Variants in SLC14A2 observed in about 807,000 individuals in gnomAD.
SLC14A2 encodes solute carrier family 14 member 2, also known as urea transporter 2.
Under a neutral mutation model 104.6 loss-of-function variants are expected in SLC14A2, and 91 were observed. That is an observed-to-expected ratio of 0.87 (90% CI 0.73 to 1.04). The LOEUF (loss-of-function observed/expected upper bound fraction) is 1.04. SLC14A2 is among the 50% of genes least tolerant of loss of function. The pLI, the probability that SLC14A2 is intolerant of heterozygous loss-of-function variation, is 0.00. For synonymous variants in SLC14A2, 476 were observed against 466.4 expected, an observed-to-expected ratio of 1.02 and a Z score of -0.27; for missense variants, 1,189 against 1,156.0, an observed-to-expected ratio of 1.03 and a Z score of -0.41.
chr18:45,392,220 C>A (rs1318745498), intron 1 of SLC14A2, among the ~76,000 whole-genome samples: 1 of 152,190 alleles, frequency 6.6e-6, no homozygotes, highest in African/African-American at 2.4e-5. Flanking sequence ...CCCCAGAGAA[C>A]CTCAGGACAG....
chr18:45,674,336 C>T (rs978683516), intron 18 of SLC14A2, among the ~76,000 whole-genome samples: 3 of 152,108 alleles, frequency 2.0e-5, no homozygotes, highest in Non-Finnish European at 4.4e-5. Context: ...CATCTGTAGA[C>T]TCTGTGAACA....
chr18:45,581,946 A>G (rs1021212093), intron 2 of SLC14A2, among the ~76,000 whole-genome samples: 1 of 152,160 alleles, frequency 6.6e-6, no homozygotes, highest in Non-Finnish European at 1.5e-5. Flanking sequence ...CTGTTGCTAT[A>G]CCAGAATACC....
intron 1 of SLC14A2, among the ~76,000 whole-genome samples, chr18:45,304,500 G>C (rs1420860485): frequency 6.6e-6 from 1 of 152,166 alleles, no homozygotes; most frequent in East Asian, 1.9e-4. Context: ...GAGATATTTT[G>C]AGTGGTATAA....
chr18:45,371,108 G>A (rs1479407245), intron 1 of SLC14A2, among the ~76,000 whole-genome samples: 1 of 152,162 alleles, frequency 6.6e-6, no homozygotes, highest in Non-Finnish European at 1.5e-5. Context: ...CCCTGGCTTG[G>A]TGGTACAGAT....
At chr18:45,505,880 T>G (rs2043275882) in intron 2 of SLC14A2, among the ~76,000 whole-genome samples, 1 of 152,140 alleles carries the variant, frequency 6.6e-6, no homozygotes, top group African/African-American at 2.4e-5. Flanking sequence ...CTGACTGGGA[T>G]GTGTGACGGG....
At chr18:45,170,811 C>T in the SLC14A2 span, among the ~76,000 whole-genome samples, 2 of 152,092 alleles carry the variant, frequency 1.3e-5, no homozygotes, top group Non-Finnish European at 2.9e-5. Context: ...GAAAAGGCGG[C>T]CCATGTTTTG....
At chr18:45,550,622 T>C (rs554129624) in intron 2 of SLC14A2, among the ~76,000 whole-genome samples, 21 of 152,198 alleles carry the variant, frequency 1.4e-4, no homozygotes, top group African/African-American at 5.1e-4. Context: ...CAGAGTCATT[T>C]ATTGAGCCCC....
intron 1 of SLC14A2, among the ~76,000 whole-genome samples, chr18:45,378,890 C>A (rs1473474062): frequency 2.0e-5 from 3 of 152,082 alleles, no homozygotes; most frequent in Admixed American, 2.0e-4. Flanking sequence ...GGATTACAGG[C>A]GTGAGCCACC....
intron 5 of SLC14A2, among the ~76,000 whole-genome samples, chr18:45,632,731 G>A (rs1279858930): frequency 1.3e-5 from 2 of 152,190 alleles, no homozygotes; most frequent in South Asian, 2.1e-4. Flanking sequence ...AGGCTGGAGT[G>A]CAGTGGCGCA....
chr18:45,671,005 T>C (rs1319416363), intron 16 of SLC14A2, among the ~76,000 whole-genome samples: 1 of 152,288 alleles, frequency 6.6e-6, no homozygotes, highest in South Asian at 2.1e-4. Flanking sequence ...ATTTTGTGTG[T>C]GTGAGGACCT....
chr18:45,261,694 T>G (rs1305428758), intron 1 of SLC14A2, among the ~76,000 whole-genome samples: 1 of 152,102 alleles, frequency 6.6e-6, no homozygotes, highest in Non-Finnish European at 1.5e-5. Flanking sequence ...TTACTGAGAA[T>G]GATAATTTCC....
At chr18:45,524,932 G>T (rs1349877751) in intron 2 of SLC14A2, among the ~76,000 whole-genome samples, 1 of 152,106 alleles carries the variant, frequency 6.6e-6, no homozygotes, top group East Asian at 1.9e-4. Context: ...GACTAATTCA[G>T]GAGACTTAAA....
At chr18:45,290,338 G>A (rs11082439) in intron 1 of SLC14A2, among the ~76,000 whole-genome samples, 23,315 of 151,990 alleles carry the variant, frequency 0.15, 2,093 homozygotes, top group African/African-American at 0.24. Flanking sequence ...AAAATTTTTT[G>A]TGCCCACATT....
chr18:45,285,670 C>CT (rs1568135395), intron 1 of SLC14A2, among the ~76,000 whole-genome samples: 1 of 147,768 alleles, frequency 6.8e-6, no homozygotes, highest in Non-Finnish European at 1.5e-5. Context: ...TGCCCCCCCC[C>CT]CCCCTCGGCC....
At chr18:45,259,968 T>C (rs1326289090) in intron 1 of SLC14A2, among the ~76,000 whole-genome samples, 1 of 152,118 alleles carries the variant, frequency 6.6e-6, no homozygotes, top group African/African-American at 2.4e-5. Context: ...TGGAATGATT[T>C]TTTTGGTAGA....
chr18:45,658,592 AC>A (rs1289727426), intron 10 of SLC14A2, among the ~76,000 whole-genome samples: 2 of 150,136 alleles, frequency 1.3e-5, no homozygotes, highest in Non-Finnish European at 3.0e-5. Flanking sequence ...AAAAAAAAAA[AC>A]CTGAGAAAGA....
chr18:45,568,120 A>G (rs2044293342), intron 2 of SLC14A2, among the ~76,000 whole-genome samples: 1 of 152,160 alleles, frequency 6.6e-6, no homozygotes, highest in African/African-American at 2.4e-5. Context: ...ACCCCTCAAA[A>G]TGGCAGCATC....
intron 2 of SLC14A2, among the ~76,000 whole-genome samples, chr18:45,539,938 A>G (rs2043859965): frequency 6.6e-6 from 1 of 152,078 alleles, no homozygotes; most frequent in African/African-American, 2.4e-5. Flanking sequence ...TCTGTATCTC[A>G]TGTGTTTAAA....
the SLC14A2 span, among the ~76,000 whole-genome samples, chr18:45,178,157 A>C: frequency 6.6e-6 from 1 of 152,182 alleles, no homozygotes; most frequent in East Asian, 1.9e-4. Flanking sequence ...TATTATTAGA[A>C]TCCATAAACA....
Sources: gnomAD v4.1 joint callset for allele counts (sites outside exome capture counted in the v4.1 genomes callset) on GRCh38, gnomAD v4.1.1 for gene constraint, MANE v1.5 for transcripts, NCBI Gene and HGNC (gene_info 2026-07-23, HGNC 2026-07-21) for gene names.